The following PHLPP1 variants were observed in gnomAD, a reference collection of about 807,000 sequenced individuals.
PHLPP1 encodes the protein PH domain leucine-rich repeat-containing protein phosphatase 1.
In PHLPP1, 42 loss-of-function variants were observed where a neutral mutation model predicts 117.2. The observed-to-expected ratio is 0.36, with a 90% CI of 0.28 to 0.46. PHLPP1 has a LOEUF of 0.46. Ranked by LOEUF, PHLPP1 falls within the 20% of genes least tolerant of loss-of-function variation. PHLPP1 has a pLI of 1.00. For synonymous variants in PHLPP1, 1,042 were observed against 970.7 expected, an observed-to-expected ratio of 1.07 and a Z score of -1.37; for missense variants, 2,084 against 2,241.9, an observed-to-expected ratio of 0.93 and a Z score of 1.42.
rs3087164 is a variant in PHLPP1, at chr18:62,979,846, CTTTTG to C, written c.*445_*449del. The C allele has an allele frequency of 3.1e-3, 504 of 162,084 alleles. 7 individuals are homozygous for C. The highest frequency in any genetic ancestry group is 0.021 in the South Asian group (112 of 5,308). The allele number at this position is 162,084 out of a possible 1,614,324, so 10.0% of individuals were successfully genotyped here. A position where few individuals can be genotyped will look rare whatever the true frequency, so the allele number is the denominator to read the frequency against. On this transcript the variant is annotated 3_prime_UTR_variant, in exon 17 of 17. Transcript: ENST00000262719. Reference sequence around the variant, plus strand: ...TCTGTATTTCTTTGGGGGGAAAAGGCTTTTGTTTTGTTTTGTTTTGTTTTGTTTTG... The same window carrying C: ...TCTGTATTTCTTTGGGGGGAAAAGGCTTTTGTTTTGTTTTGTTTTGTTTTG...
At chr18:62,951,044 C>A (rs1287283102) in intron 12 of PHLPP1, among the ~76,000 whole-genome samples, 1 of 151,456 alleles carries the variant, frequency 6.6e-6, no homozygotes, top group African/African-American at 2.4e-5. Flanking sequence ...TGCAGTGGCA[C>A]GATCTTTGTT....
intron 1 of PHLPP1, among the ~76,000 whole-genome samples, chr18:62,821,549 C>CAAA (rs1914456217): frequency 9.2e-5 from 12 of 129,862 alleles, no homozygotes; most frequent in East Asian, 6.6e-4. Context: ...ACCCTTTATC[C>CAAA]AAAAAAAAAA....
In PHLPP1 at chr18:62,728,307, TA is replaced by T. The variant is rs373806510; in HGVS notation, c.1576+11049del. Among the ~76,000 whole-genome samples, 181 of 147,986 alleles carry T rather than the reference TA, an allele frequency of 1.2e-3. 6 individuals carry two copies. In the South Asian group the frequency reaches 0.037, roughly 30 times the overall value. ...GAGACTGACTCAAAAAAAAAAAAAA[TA>T]TTTTTTTTAAAGAAGTGACATAAAG... On this transcript the variant is annotated intron_variant, in intron 1 of 16. Transcript: ENST00000262719.
At chr18:62,886,111 G>A (rs1439476683) in intron 4 of PHLPP1, among the ~76,000 whole-genome samples, 1 of 152,138 alleles carries the variant, frequency 6.6e-6, no homozygotes, top group Admixed American at 6.5e-5. Flanking sequence ...CATTATTACC[G>A]TACTTTCATT....
At position 62,833,598 on chromosome 18, in the gene PHLPP1, G is replaced by A. The variant is rs544136345; in HGVS notation, c.1773+3367G>A. ...TTCCTTTTTTGAAATAAGTTTTACC[G>A]TGTATCTATATTTTGCTTGTTTTTG... On this transcript the variant is annotated intron_variant, in intron 2 of 16. Transcript: ENST00000262719. Among the ~76,000 whole-genome samples, 36 of 151,974 alleles carry A rather than the reference G, an allele frequency of 2.4e-4. No homozygotes were observed. In the South Asian group the frequency reaches 7.3e-3, roughly 31 times the overall value.
intron 1 of PHLPP1, among the ~76,000 whole-genome samples, chr18:62,754,905 A>G (rs1169170108): frequency 3.3e-5 from 5 of 152,154 alleles, no homozygotes; most frequent in Non-Finnish European, 7.4e-5. Flanking sequence ...GTGAGGTGGG[A>G]GGATTGCTTG....
chr18:62,771,475 TAAAC>T (rs1912775536), intron 1 of PHLPP1, among the ~76,000 whole-genome samples: 2 of 152,354 alleles, frequency 1.3e-5, no homozygotes, highest in Admixed American at 6.5e-5. Context: ...TACCATCTGT[TAAAC>T]AACAGCCCCA....
At chr18:62,754,544 T>C (rs2144239689) in intron 1 of PHLPP1, among the ~76,000 whole-genome samples, 2 of 152,352 alleles carry the variant, frequency 1.3e-5, no homozygotes, top group South Asian at 4.1e-4. Flanking sequence ...TGTTTTTGCT[T>C]TGGGGAGCAT....
At chr18:62,961,458 T>A (rs1031242455) in intron 13 of PHLPP1, among the ~76,000 whole-genome samples, 1 of 152,094 alleles carries the variant, frequency 6.6e-6, no homozygotes. Context: ...ATTTTTTTTT[T>A]CCTTTAATAA....
At chr18:62,756,381 C>T (rs908258502) in intron 1 of PHLPP1, among the ~76,000 whole-genome samples, 1 of 152,186 alleles carries the variant, frequency 6.6e-6, no homozygotes, top group Non-Finnish European at 1.5e-5. Flanking sequence ...AGGAGGCCCA[C>T]ACATTTAGCA....
At chr18:62,966,484 T>G (rs1035714911) in intron 14 of PHLPP1, among the ~76,000 whole-genome samples, 6 of 148,332 alleles carry the variant, frequency 4.0e-5, no homozygotes, top group Non-Finnish European at 8.9e-5. Flanking sequence ...TTTTTTTTTT[T>G]TTTTGAGACG....
At chr18:62,848,685 A>T (rs970750878) in intron 3 of PHLPP1, among the ~76,000 whole-genome samples, 5 of 151,960 alleles carry the variant, frequency 3.3e-5, no homozygotes, top group Admixed American at 2.0e-4. Flanking sequence ...GCTGGCCTTG[A>T]GCTCCTGGGC....
rs1452194485 is a variant in PHLPP1 at position 62,716,778 on chromosome 18, C to T, written c.1095C>T (p.Pro365=). The part of the protein sequence containing the change: ...SAESVSDRLD[P]YSSGGGSSSS... ...AGAGCGTGTCTGACCGGTTGGACCC[C>T]TACAGCAGCGGCGGCGGCTCCTCGT... The change falls in exon 1 of 17, where the codon CCC becomes CCT. Residue 365 remains proline, a synonymous_variant. Coordinates refer to ENST00000262719, the MANE Select transcript of PHLPP1 (RefSeq NM_194449.4). This position sits in a 1 kb window ranked among gnomAD's most constrained non-coding sequence, Gnocchi z 5.7. 10 of 1,527,342 alleles carry T rather than the reference C, an allele frequency of 6.5e-6. No homozygotes were observed. The highest frequency in any genetic ancestry group is 3.4e-4 in the Middle Eastern group (2 of 5,952). The allele number at this position is 1,527,342 out of a possible 1,614,324, so 94.6% of individuals were successfully genotyped here. A position where few individuals can be genotyped will look rare whatever the true frequency, so the allele number is the denominator to read the frequency against.
At chr18:62,957,549 AGT>A (rs1054023959) in intron 12 of PHLPP1, among the ~76,000 whole-genome samples, 5 of 151,092 alleles carry the variant, frequency 3.3e-5, no homozygotes, top group Non-Finnish European at 7.4e-5. Context: ...TCTCATTTTG[AGT>A]GTGTGTTACC....
chr18:62,975,788 T>C (rs1911170950), intron 16 of PHLPP1, among the ~76,000 whole-genome samples, 163 bp downstream of exon 16: 1 of 152,248 alleles, frequency 6.6e-6, no homozygotes, highest in Non-Finnish European at 1.5e-5. Context: ...ATGTCTTACA[T>C]TATGATGTAT....
At chr18:62,719,315 A>AT (rs573456371) in intron 1 of PHLPP1, among the ~76,000 whole-genome samples, 2 of 152,240 alleles carry the variant, frequency 1.3e-5, no homozygotes, top group Non-Finnish European at 2.9e-5. Context: ...AGTTGAGCTT[A>AT]TTTTAAGCCT....
At chr18:62,798,308 CT>C (rs1177645885) in intron 1 of PHLPP1, among the ~76,000 whole-genome samples, 1 of 152,166 alleles carries the variant, frequency 6.6e-6, no homozygotes, top group Non-Finnish European at 1.5e-5. Flanking sequence ...AATTAAATTG[CT>C]TTGCTTGGGA....
At chr18:62,905,424 AT>A (rs1183903568) in intron 8 of PHLPP1, 140 bp downstream of exon 8, 1 of 420,816 alleles carries the variant, frequency 2.4e-6, no homozygotes, top group Non-Finnish European at 4.3e-6. Flanking sequence ...ATTCTCTAAA[AT>A]TATATATATC....
chr18:62,824,886 C>T (rs1004648461), intron 1 of PHLPP1, among the ~76,000 whole-genome samples: 32 of 152,002 alleles, frequency 2.1e-4, no homozygotes, highest in African/African-American at 7.0e-4. Context: ...GGACCACCCC[C>T]ACCCCCCATT....
Sources: gnomAD v4.1 joint callset for allele counts (sites outside exome capture counted in the v4.1 genomes callset) on GRCh38, gnomAD v4.1.1 for gene constraint, Gnocchi (gnomAD v3.1) non-coding constraint, MANE v1.5 for transcripts, NCBI Gene and HGNC (gene_info 2026-07-23, HGNC 2026-07-21) for gene names.